The following POLN variants were observed in gnomAD, a reference collection of about 807,000 sequenced individuals.
POLN encodes the protein DNA polymerase nu, also known as DNA polymerase N.
A neutral mutation model predicts 113.5 loss-of-function variants in POLN; 108 were observed. The observed-to-expected ratio is 0.95, with a 90% confidence interval of 0.81 to 1.12. POLN has a LOEUF of 1.12. POLN is among the 50% of genes most tolerant of loss of function. The pLI is 0.00. For synonymous variants in POLN, 386 were observed against 391.5 expected (o/e 0.99, Z 0.17); for missense variants, 1,097 against 1,077.1 (o/e 1.02, Z -0.26).
chr4:2,240,816 C>G (rs750829501), intron 2 of POLN: 1 of 1,613,902 alleles, frequency 6.2e-7, no homozygotes, highest in Admixed American at 1.7e-5. Context: ...CACATTCCCA[C>G]AAAACCACTT....
chr4:2,207,999 T>C lies in POLN; in HGVS notation c.702A>G (p.Leu234=). The change falls in exon 5 of 26, where the codon CTA becomes CTG. Residue 234 remains leucine, a synonymous_variant. Coordinates refer to ENST00000511885, the MANE Select transcript of POLN (RefSeq NM_181808.4). The part of the protein sequence containing the change: ...TVMYTDGSTQ[L]GADQTPVSSV... ...ACTGTTTACTAACCTGGTCAGCTCC[T>C]AGCTGGGTGGAACCATCAGTATACA... The C allele has an allele frequency of 6.2e-7, 1 of 1,605,572 alleles. No homozygotes were observed. The highest frequency in any genetic ancestry group is 8.5e-7 in the Non-Finnish European group (1 of 1,177,008).
intron 16 of POLN, among the ~76,000 whole-genome samples, chr4:2,137,766 A>C (rs764736477): frequency 5.9e-5 from 9 of 151,902 alleles, no homozygotes; most frequent in Non-Finnish European, 8.8e-5. Context: ...ATCGTTTCTC[A>C]TTCCACATGC....
At chr4:2,118,486 C>T (rs1168441056) in intron 19 of POLN, among the ~76,000 whole-genome samples, 2 of 152,232 alleles carry the variant, frequency 1.3e-5, no homozygotes. Context: ...GTAGACATAG[C>T]TCAAAGCACG....
intron 19 of POLN, among the ~76,000 whole-genome samples, chr4:2,120,269 G>C (rs1731408148): frequency 6.6e-6 from 1 of 152,066 alleles, no homozygotes; most frequent in South Asian, 2.1e-4. Flanking sequence ...GACTAAGCTT[G>C]TCCATGTCTA....
At chr4:2,215,390 G>A (rs779583846) in intron 3 of POLN, among the ~76,000 whole-genome samples, 1 of 152,150 alleles carries the variant, frequency 6.6e-6, no homozygotes, top group Non-Finnish European at 1.5e-5. Context: ...ATGAAGGTTT[G>A]CATTTGAAAA....
intron 13 of POLN, among the ~76,000 whole-genome samples, chr4:2,160,600 G>A (rs992101183): frequency 1.1e-4 from 16 of 152,062 alleles, no homozygotes; most frequent in Admixed American, 1.0e-3. Flanking sequence ...GCAGAGATGA[G>A]GTCTCGCCAT....
intron 19 of POLN, among the ~76,000 whole-genome samples, chr4:2,121,790 C>CTT (rs561846189): frequency 2.8e-4 from 41 of 148,636 alleles, no homozygotes; most frequent in African/African-American, 9.9e-4. Context: ...AAAGAGCTAA[C>CTT]TTTTTTTTTT....
chr4:2,176,215 G>T, intron 9 of POLN, 51 bp downstream of exon 9: 1 of 1,454,100 alleles, frequency 6.9e-7, no homozygotes, highest in African/African-American at 1.4e-5. Context: ...CCAATGAAAA[G>T]ACATCTCTTG....
intron 16 of POLN, among the ~76,000 whole-genome samples, chr4:2,152,973 T>C (rs929101879): frequency 1.3e-5 from 2 of 152,248 alleles, no homozygotes; most frequent in African/African-American, 2.4e-5. Context: ...TACTCAGTAA[T>C]TTCATACCTG....
intron 19 of POLN, among the ~76,000 whole-genome samples, chr4:2,108,157 C>G (rs1560997808): frequency 1.3e-5 from 2 of 152,196 alleles, no homozygotes; most frequent in African/African-American, 4.8e-5. Flanking sequence ...CAGGGCTCAA[C>G]TGTGATGATT....
At chr4:2,146,205 C>T (rs561887374) in intron 16 of POLN, among the ~76,000 whole-genome samples, 1 of 152,072 alleles carries the variant, frequency 6.6e-6, no homozygotes, top group Non-Finnish European at 1.5e-5. Context: ...TTAACAGGGG[C>T]TTTAAATGTT....
At chr4:2,229,003 C>T in intron 3 of POLN, 96 bp downstream of exon 3, 3 of 1,241,656 alleles carry the variant, frequency 2.4e-6, no homozygotes, top group Non-Finnish European at 3.3e-6. Context: ...AGCTGGGCTT[C>T]ATCTGTCTAC....
intron 2 of POLN, among the ~76,000 whole-genome samples, chr4:2,233,412 C>T (rs1224629128): frequency 6.6e-6 from 1 of 150,944 alleles, no homozygotes; most frequent in Non-Finnish European, 1.5e-5. Context: ...AGTGAGATTA[C>T]CATATTTTAG....
chr4:2,181,377 C>T (rs1233989329), intron 7 of POLN, among the ~76,000 whole-genome samples: 1 of 152,052 alleles, frequency 6.6e-6, no homozygotes, highest in African/African-American at 2.4e-5. Context: ...AACTCCTGAC[C>T]TCAGTTGATC....
intron 11 of POLN, among the ~76,000 whole-genome samples, chr4:2,172,014 T>C (rs1379305099): frequency 6.6e-6 from 1 of 152,160 alleles, no homozygotes; most frequent in African/African-American, 2.4e-5. Flanking sequence ...GGATATCCTA[T>C]ACATCAGTAA....
intron 3 of POLN, among the ~76,000 whole-genome samples, chr4:2,216,719 T>C (rs2353553): frequency 0.18 from 27,157 of 152,210 alleles, 4,257 homozygotes; most frequent in African/African-American, 0.41. Context: ...GTGTTGGTTC[T>C]GGCCAAGATG....
intron 2 of POLN, chr4:2,240,996 G>C (rs767981045): frequency 7.4e-7 from 1 of 1,351,792 alleles, no homozygotes; most frequent in Non-Finnish European, 1.0e-6. Flanking sequence ...TTACGGTGTT[G>C]ATTTTTAGAA....
chr4:2,162,758 G>C (rs920654245), intron 13 of POLN, among the ~76,000 whole-genome samples: 1 of 151,818 alleles, frequency 6.6e-6, no homozygotes, highest in South Asian at 2.1e-4. Flanking sequence ...TGCCCGGCCC[G>C]ATTTTATTTT....
chr4:2,135,989 A>G (rs1025444122), intron 16 of POLN, among the ~76,000 whole-genome samples: 1 of 152,188 alleles, frequency 6.6e-6, no homozygotes, highest in African/African-American at 2.4e-5. Context: ...TGATATCTGA[A>G]TGTTTCTGCA....
Sources: allele counts gnomAD v4.1 joint callset (sites outside exome capture counted in the v4.1 genomes callset), GRCh38; gene constraint gnomAD v4.1.1; transcripts MANE v1.5; gene names NCBI Gene and HGNC (gene_info 2026-07-23, HGNC 2026-07-21).